ENOX1: variants seen among roughly 807,000 people sequenced by gnomAD.
ENOX1 encodes candidate growth-related and time keeping constitutive hydroquinone (NADH) oxidase.
Under a neutral mutation model 82.5 loss-of-function variants are expected in ENOX1, and 42 were observed. That is an observed-to-expected ratio of 0.51 (90% confidence interval 0.40 to 0.66). The LOEUF (loss-of-function observed/expected upper bound fraction) is 0.66. Among genes scored for constraint, ENOX1 ranks in the 30% least tolerant of loss-of-function variants. The pLI, the probability that ENOX1 is intolerant of heterozygous loss-of-function variation, is 0.00. For synonymous variants in ENOX1, 271 were observed against 282.2 expected (o/e 0.96, Z 0.40); for missense variants, 608 against 811.6 (o/e 0.75, Z 3.05).
chr13:43,273,744 G>A (rs1286885819), intron 12 of ENOX1, among the ~76,000 whole-genome samples: 2 of 152,240 alleles, frequency 1.3e-5, no homozygotes, highest in African/African-American at 4.8e-5. Flanking sequence ...CGGTAGCCTT[G>A]GGTTCTTGCT....
chr13:43,327,413 A>T (rs1476702999), intron 9 of ENOX1, among the ~76,000 whole-genome samples: 1 of 152,234 alleles, frequency 6.6e-6, no homozygotes, highest in African/African-American at 2.4e-5. Flanking sequence ...GGTTATGAAC[A>T]AAACTACATA....
chr13:43,478,067 T>G (rs28715407), intron 3 of ENOX1, among the ~76,000 whole-genome samples: 61,565 of 144,656 alleles, frequency 0.43, 13,833 homozygotes, highest in Non-Finnish European at 0.5. Context: ...TTTTTTTTTT[T>G]TTTTTTTTTT....
At chr13:43,322,825 T>C (rs1325606856) in intron 10 of ENOX1, among the ~76,000 whole-genome samples, 1 of 152,206 alleles carries the variant, frequency 6.6e-6, no homozygotes, top group Non-Finnish European at 1.5e-5. Context: ...TAGAAATACC[T>C]GTTACATGGC....
intron 1 of ENOX1, among the ~76,000 whole-genome samples, chr13:43,723,753 C>G (rs989234857): frequency 6.6e-6 from 1 of 151,156 alleles, no homozygotes; most frequent in African/African-American, 2.4e-5. Context: ...TTTTAACCAT[C>G]TATACAAATG....
At chr13:43,627,934 C>T (rs1394042560) in intron 2 of ENOX1, among the ~76,000 whole-genome samples, 2 of 151,888 alleles carry the variant, frequency 1.3e-5, no homozygotes, top group East Asian at 3.9e-4. Flanking sequence ...AATATTGTGC[C>T]ACTTTATTCT....
Position 43,714,814 on chromosome 13 carries a change from A to C in ENOX1, c.-284-47270T>G, listed in dbSNP as rs1198028410. Among the ~76,000 whole-genome samples the C allele has an allele frequency of 2.0e-5, 3 of 152,128 alleles. No individual in the cohort carries two copies. The East Asian group carries it at 5.8e-4, about 29-fold the overall frequency. On this transcript the variant is annotated intron_variant, in intron 1 of 16. Transcript: ENST00000690772. ...ATTTTGAGCCTATGTGTGTCTCTGC[A>C]AGTGAGATGCGTTTCCTGAATAGCA...
chr13:43,412,039 C>T lies in ENOX1; in HGVS notation c.85G>A (p.Gly29Arg), dbSNP rs1253617704. Residue 29 changes from glycine (G) to arginine (R), a missense_variant, in exon 5 of 17, where the codon GGG becomes AGG. By Grantham distance (125) the Gly-to-Arg change is moderately radical. Coordinates refer to ENST00000690772, the MANE Select transcript of ENOX1 (RefSeq NM_001347969.2). ...TGGGTCGTGTCTATCGCTATACTCC[C>T]CAAACCATCGGCTGCTGTGGGGAAA... ...QMMAAAADGLGSIAIDTTQLN... is the reference protein window; with the variant it reads ...QMMAAAADGLRSIAIDTTQLN... 1 of 1,613,848 alleles carries T rather than the reference C, an allele frequency of 6.2e-7. No individual in the cohort carries two copies. Among genetic ancestry groups the T allele is most frequent in the Non-Finnish European group, 8.5e-7 (1 of 1,179,788 alleles).
At chr13:43,218,314 T>C (rs1406565910) in intron 16 of ENOX1, among the ~76,000 whole-genome samples, 1 of 152,156 alleles carries the variant, frequency 6.6e-6, no homozygotes, top group Non-Finnish European at 1.5e-5. Flanking sequence ...TAAAAATCTA[T>C]CTAAAATATC....
intron 1 of ENOX1, among the ~76,000 whole-genome samples, chr13:43,734,203 GTTGTT>G (rs1594616672): frequency 6.2e-4 from 1 of 1,624 alleles, no homozygotes; most frequent in African/African-American, 8.6e-4. Flanking sequence ...GTTGTTGGTT[GTTGTT>G]GTTGTTGTTG....
chr13:43,397,081 C>T (rs895377951), intron 5 of ENOX1, among the ~76,000 whole-genome samples: 39 of 152,356 alleles, frequency 2.6e-4, no homozygotes, highest in African/African-American at 9.4e-4. Flanking sequence ...CTGCGGCACA[C>T]TGGGCTCTTC....
In ENOX1 at chr13:43,478,066, T is replaced by G. The variant is rs112815810; in HGVS notation, c.-75+5943A>C. Among the ~76,000 whole-genome samples, 25 of 146,718 alleles carry G rather than the reference T, an allele frequency of 1.7e-4. 1 individual carries two copies. The East Asian group carries it at 1.8e-3, about 11-fold the overall frequency. ...AGGAGCCAGAGAGGTTTTTTTTTTTTTTTTTTTTTTTTTTCATTTTTTAAA... is the reference window on the plus strand; with the variant it reads ...AGGAGCCAGAGAGGTTTTTTTTTTTGTTTTTTTTTTTTTTCATTTTTTAAA... On this transcript the variant is annotated intron_variant, in intron 3 of 16. Transcript: ENST00000690772.
chr13:43,658,842 AT>A (rs1232557685), intron 2 of ENOX1, among the ~76,000 whole-genome samples: 1 of 152,110 alleles, frequency 6.6e-6, no homozygotes, highest in African/African-American at 2.4e-5. Context: ...TTAGTTTACC[AT>A]ATCATTTATT....
At chr13:43,261,755 T>C (rs4053679) in intron 14 of ENOX1, among the ~76,000 whole-genome samples, 140,861 of 145,480 alleles carry the variant, frequency 0.97, 68,376 homozygotes, top group East Asian at 1. Flanking sequence ...AACCAAACAC[T>C]GCATATTCTC....
At chr13:43,358,796 C>CT (rs2050312025) in intron 7 of ENOX1, among the ~76,000 whole-genome samples, 2 of 152,232 alleles carry the variant, frequency 1.3e-5, no homozygotes, top group African/African-American at 4.8e-5. Flanking sequence ...CCCCCGTTGT[C>CT]TAACAGCGGA....
At chr13:43,753,881 T>G (rs947802158) in intron 1 of ENOX1, among the ~76,000 whole-genome samples, 3 of 152,074 alleles carry the variant, frequency 2.0e-5, no homozygotes, top group Non-Finnish European at 4.4e-5. Context: ...TTCTTTTCAG[T>G]TGGTTTCTGC....
At chr13:43,417,235 C>A (rs1278243730) in intron 3 of ENOX1, among the ~76,000 whole-genome samples, 1 of 18,274 alleles carries the variant, frequency 5.5e-5, no homozygotes, top group African/African-American at 6.9e-5. Flanking sequence ...AGACGGGAGA[C>A]GGGAGACGGG....
chr13:43,258,996 C>T (rs895649155), intron 14 of ENOX1, among the ~76,000 whole-genome samples: 1 of 152,096 alleles, frequency 6.6e-6, no homozygotes, highest in African/African-American at 2.4e-5. Context: ...GGCAGAAATC[C>T]CATCTTTATT....
intron 14 of ENOX1, among the ~76,000 whole-genome samples, chr13:43,252,905 T>C (rs548435609): frequency 7.6e-4 from 116 of 152,272 alleles, no homozygotes; most frequent in Non-Finnish European, 1.5e-3. Context: ...CCATCAGAGC[T>C]GGGAAGAGTT....
At chr13:43,637,942 G>T (rs1262299097) in intron 2 of ENOX1, among the ~76,000 whole-genome samples, 1 of 152,120 alleles carries the variant, frequency 6.6e-6, no homozygotes, top group Non-Finnish European at 1.5e-5. Flanking sequence ...ATAATTTTCT[G>T]CTGGGAGTCA....
Sources: gnomAD v4.1 joint callset for allele counts (sites outside exome capture counted in the v4.1 genomes callset) on GRCh38, gnomAD v4.1.1 for gene constraint, MANE v1.5 for transcripts, NCBI Gene and HGNC (gene_info 2026-07-23, HGNC 2026-07-21) for gene names.